PLEKHH1: variants seen among roughly 807,000 people sequenced by gnomAD.
The protein encoded by PLEKHH1 is pleckstrin homology, MyTH4 and FERM domain containing H1.
Under a neutral mutation model 160.0 loss-of-function variants are expected in PLEKHH1, and 104 were observed. That is an observed-to-expected ratio of 0.65 (90% CI 0.55 to 0.76). The LOEUF (loss-of-function observed/expected upper bound fraction) is 0.76, where lower values mean the gene tolerates loss of function less well. PLEKHH1 is among the 30% of genes least tolerant of loss of function. PLEKHH1 has a pLI of 0.00. For missense variants in PLEKHH1, 1,427 were observed against 1,724.1 expected, an observed-to-expected ratio of 0.83 and a Z score of 3.05; for synonymous variants, 619 against 678.4, an observed-to-expected ratio of 0.91 and a Z score of 1.36.
chr14:67,543,893 A>C (rs1221464549), intron 2 of PLEKHH1, among the ~76,000 whole-genome samples: 1 of 152,186 alleles, frequency 6.6e-6, no homozygotes, highest in African/African-American at 2.4e-5. Context: ...TCAGGTAACA[A>C]AATGAAGAGG....
intron 26 of PLEKHH1, 30 bp from the exon 27 acceptor site, chr14:67,585,538 A>G (rs1300261074): frequency 2.8e-6 from 4 of 1,429,392 alleles, no homozygotes; most frequent in Admixed American, 3.9e-5. Flanking sequence ...AACTATGGAT[A>G]TATCTGATGG....
intron 10 of PLEKHH1, 54 bp from the exon 11 acceptor site, chr14:67,572,081 G>A (rs1043006067): frequency 1.9e-6 from 3 of 1,564,658 alleles, no homozygotes; most frequent in Non-Finnish European, 2.6e-6. Flanking sequence ...CTCCTGGGCT[G>A]CGTGAGTCGG....
chr14:67,542,947 C>A (rs973894150), intron 2 of PLEKHH1, among the ~76,000 whole-genome samples: 1 of 152,104 alleles, frequency 6.6e-6, no homozygotes, highest in African/African-American at 2.4e-5. Context: ...TGATCCTCGC[C>A]TCAGGTGATC....
rs548060340 is a variant in PLEKHH1, at chr14:67,586,430, T to G, written c.3933+333T>G. ...GCTCTTCTCTTCCTTGCAGCAGTCC[T>G]CAAGGCAGGGCAGATTCCTCTTTAA... On this transcript the variant is annotated intron_variant, in intron 28 of 28. Transcript: ENST00000329153. The G allele has an allele frequency of 2.3e-6, 3 of 1,326,518 alleles. No individual in the cohort carries two copies. The East Asian group carries it at 1.4e-4, about 63-fold the overall frequency. The allele number at this position is 1,326,518 out of a possible 1,614,324, so 82.2% of individuals were successfully genotyped here.
chr14:67,584,653 C>A (rs758335922), intron 26 of PLEKHH1, among the ~76,000 whole-genome samples: 2 of 152,162 alleles, frequency 1.3e-5, no homozygotes, highest in Non-Finnish European at 2.9e-5. Flanking sequence ...AGCCACAGAT[C>A]GGAAAATGGC....
intron 7 of PLEKHH1, 66 bp from the exon 8 acceptor site, chr14:67,569,072 C>CAT (rs2035244286): frequency 9.0e-7 from 1 of 1,110,388 alleles, no homozygotes; most frequent in African/African-American, 1.5e-5. Flanking sequence ...TTTTCCTGCA[C>CAT]ATGCCTGGAG....
Position 67,582,346 on chromosome 14 carries a change from A to C in PLEKHH1, c.3426+136A>C. On this transcript the variant is annotated intron_variant, in intron 24 of 28. Coordinates refer to ENST00000329153, the MANE Select transcript of PLEKHH1 (RefSeq NM_020715.3). The surrounding 1 kb of genome is among the most constrained non-coding windows in gnomAD (Gnocchi z 5.0). Reference sequence around the variant, plus strand: ...GGCAGCTTTGCCATCTCTGGGATGGAAAGCAGCTGACTTCTACAGATCAGA... The same window carrying C: ...GGCAGCTTTGCCATCTCTGGGATGGCAAGCAGCTGACTTCTACAGATCAGA... The C allele has an allele frequency of 6.9e-7, 1 of 1,457,762 alleles. No individual in the cohort carries two copies. Among genetic ancestry groups the C allele is most frequent in the Non-Finnish European group, 9.3e-7 (1 of 1,070,272 alleles). The allele number at this position is 1,457,762 out of a possible 1,614,324, so 90.3% of individuals were successfully genotyped here.
chr14:67,579,870 T>C lies in PLEKHH1; in HGVS notation c.3177T>C (p.Ser1059=). The change falls in exon 22 of 29, where the codon AGT becomes AGC. Residue 1059 remains serine (S), a synonymous_variant. Coordinates refer to ENST00000329153, the MANE Select transcript of PLEKHH1 (RefSeq NM_020715.3). ...GRDLEHCLQG[S]VKICDAISKW... ...ACCTGGAGCACTGCCTGCAGGGAAG[T>C]GTCAAGGTGACAGCCTCCCACTAAG... 1 of 1,599,590 alleles carries C rather than the reference T, an allele frequency of 6.3e-7. No homozygotes were observed.
At chr14:67,566,482 C>T (rs759866344) in intron 7 of PLEKHH1, among the ~76,000 whole-genome samples, 2 of 151,744 alleles carry the variant, frequency 1.3e-5, no homozygotes, top group Non-Finnish European at 2.9e-5. Flanking sequence ...CAGTGGCTCA[C>T]ACCTGTAATC....
At position 67,583,275 on chromosome 14, in the gene PLEKHH1, T is replaced by C. The variant is rs552365155; in HGVS notation, c.3427-466T>C. 8.5e-5 allele frequency among the ~76,000 whole-genome samples: 13 copies of C among 152,202 alleles called. No homozygotes were observed. The South Asian group carries it at 2.5e-3, about 29-fold the overall frequency. ...CATTGTAGTTTTTATTCCCACCTAA[T>C]AGATGAGGAAATTGAAGCTCAGAGA... On this transcript the variant is annotated intron_variant, in intron 24 of 28. Coordinates refer to ENST00000329153, the MANE Select transcript of PLEKHH1 (RefSeq NM_020715.3).
intron 7 of PLEKHH1, among the ~76,000 whole-genome samples, chr14:67,565,982 T>C (rs2035069686): frequency 6.6e-6 from 1 of 152,102 alleles, no homozygotes; most frequent in South Asian, 2.1e-4. Flanking sequence ...TATTTGGGCA[T>C]GGTGGTGCAC....
chr14:67,576,539 G>A lies in PLEKHH1; in HGVS notation c.2461+36G>A. 9.6e-7 allele frequency: 1 copy of A among 1,036,860 alleles called. No homozygotes were observed. The highest frequency in any genetic ancestry group is 2.4e-5 in the East Asian group (1 of 42,190). 64.2% of individuals were successfully genotyped at this position (1,036,860 alleles called of 1,614,324 possible). On this transcript the variant is annotated intron_variant, in intron 17 of 28. Transcript: ENST00000329153. This position sits in a 1 kb window ranked among gnomAD's most constrained non-coding sequence, Gnocchi z 4.0. ...GGTGGCCACCACTGCTTGGGTTGGA[G>A]GGTAGTGGCTTGGTGACTATTGGTC... is the stretch of plus-strand genomic sequence containing the variant.
intron 14 of PLEKHH1, 70 bp from the exon 15 acceptor site, chr14:67,575,322 A>G (rs905227214): frequency 2.9e-5 from 26 of 910,280 alleles, no homozygotes; most frequent in Admixed American, 1.7e-4. Flanking sequence ...TGTGGCTTCT[A>G]TTTGCCAGTC....
In PLEKHH1 at chr14:67,541,891, G is replaced by A. The variant is rs771030554; in HGVS notation, c.24G>A (p.Ala8=). 2 of 1,601,690 alleles carry A rather than the reference G, an allele frequency of 1.2e-6. No homozygotes were observed. Among genetic ancestry groups the A allele is most frequent in the Non-Finnish European group, 1.7e-6 (2 of 1,174,316 alleles). MAELKVE[A]PASVDWQKRC... ...TCATGGCAGAACTCAAGGTGGAGGC[G>A]CCGGCCAGCGTAGACTGGCAGAAAC... Residue 8 remains alanine (A), a synonymous_variant, in exon 2 of 29, where the codon GCG becomes GCA. Transcript: ENST00000329153.
chr14:67,562,524 A>G lies in PLEKHH1; in HGVS notation c.893A>G (p.Lys298Arg). ...CAGAGAGGGATGCTCCCTGGGACAA[A>G]GACCTCTGCCAGGGAAGGTGGTCCT... ...TAQRGMLPGT[K>R]TSAREGGPGS... The change falls in exon 7 of 29, where the codon AAG (lysine) becomes AGG (arginine). Residue 298 changes from lysine to arginine, a missense_variant. This residue lies in a region of PLEKHH1 where 831 missense variants were observed against 929.2 expected (regional missense o/e 0.89). Coordinates refer to ENST00000329153, the MANE Select transcript of PLEKHH1 (RefSeq NM_020715.3). 1 of 1,610,234 alleles carries G rather than the reference A, an allele frequency of 6.2e-7. No homozygotes were observed. The highest frequency in any genetic ancestry group is 2.2e-5 in the East Asian group (1 of 44,714).
rs2140581682 is a variant in PLEKHH1, at chr14:67,587,449, C to A, written c.*214C>A. The A allele has an allele frequency of 1.7e-6, 1 of 597,486 alleles. No individual in the cohort carries two copies. Among genetic ancestry groups the A allele is most frequent in the Non-Finnish European group, 3.0e-6 (1 of 337,526 alleles). The allele number at this position is 597,486 out of a possible 1,614,324, so 37.0% of individuals were successfully genotyped here. Reference sequence around the variant, plus strand: ...TAAAATCCAGACCCAGTGTTAAAACCATTTATTCCTTTTTTCATAAGAATA... The same window carrying A: ...TAAAATCCAGACCCAGTGTTAAAACAATTTATTCCTTTTTTCATAAGAATA... On this transcript the variant is annotated 3_prime_UTR_variant, in exon 29 of 29. Transcript: ENST00000329153.
chr14:67,581,291 C>CAT (rs1228149570), intron 23 of PLEKHH1, among the ~76,000 whole-genome samples: 1 of 151,926 alleles, frequency 6.6e-6, no homozygotes, highest in Non-Finnish European at 1.5e-5. Flanking sequence ...CACACACACA[C>CAT]ACACACACAA....
At position 67,559,602 on chromosome 14, in the gene PLEKHH1, T is replaced by A; in HGVS notation, c.340-6T>A. 6.3e-7 allele frequency: 1 copy of A among 1,580,614 alleles called. No homozygotes were observed. Among genetic ancestry groups the A allele is most frequent in the Non-Finnish European group, 8.6e-7 (1 of 1,161,162 alleles). ...GGATTAACGGAAGGCCCTCTCTTTCTTGCAGAAGCAGATGAGGGCAGAGGA... is the reference window on the plus strand; with the variant it reads ...GGATTAACGGAAGGCCCTCTCTTTCATGCAGAAGCAGATGAGGGCAGAGGA... On this transcript the variant is annotated splice_polypyrimidine_tract_variant and splice_region_variant and intron_variant, in intron 4 of 28. Coordinates refer to ENST00000329153, the MANE Select transcript of PLEKHH1 (RefSeq NM_020715.3).
chr14:67,546,814 T>C (rs2140347395), intron 2 of PLEKHH1, among the ~76,000 whole-genome samples: 1 of 152,330 alleles, frequency 6.6e-6, no homozygotes, highest in Admixed American at 6.5e-5. Context: ...TGCAGTGAGC[T>C]GTGATCACAC....
Sources: allele counts gnomAD v4.1 joint callset (sites outside exome capture counted in the v4.1 genomes callset), GRCh38; gene constraint gnomAD v4.1.1; regional missense constraint gnomAD v4.1.1; non-coding constraint Gnocchi (gnomAD v3.1); transcripts MANE v1.5; gene names NCBI Gene and HGNC (gene_info 2026-07-23, HGNC 2026-07-21).